Variants in LONP1 observed in about 807,000 individuals in gnomAD.
The protein encoded by LONP1 is lon protease homolog, mitochondrial.
Under a neutral mutation model 98.5 loss-of-function variants are expected in LONP1, and 31 were observed. The ratio of observed to expected loss-of-function variants is 0.31; its 90% CI spans 0.24 to 0.42. The LOEUF is 0.42. Among genes scored for constraint, LONP1 ranks in the 20% least tolerant of loss-of-function variants. The probability of loss-of-function intolerance (pLI) is 1.00; values close to 1 mark genes in which losing one functional copy is unlikely to be tolerated. For synonymous variants in LONP1, 781 were observed against 594.7 expected (o/e 1.31, Z -4.56); for missense variants, 1,336 against 1,350.6 (o/e 0.99, Z 0.17).
At position 5,694,546 on chromosome 19, in the gene LONP1, G is replaced by GT; in HGVS notation, c.2160dup (p.Arg721ThrfsTer38). On this transcript the variant is annotated frameshift_variant, in exon 15 of 18. Coordinates refer to ENST00000360614, the MANE Select transcript of LONP1 (RefSeq NM_004793.4). LOFTEE classifies it high-confidence loss of function. ...CTGACAATCTTGTAGGCCGATTTCC[G>GT]TAACACCTGGGCGGTCAGGGCAACA... is the stretch of plus-strand genomic sequence containing the variant. 1 of 1,612,210 alleles carries GT rather than the reference G, an allele frequency of 6.2e-7. No individual in the cohort carries two copies. The highest frequency in any genetic ancestry group is 8.5e-7 in the Non-Finnish European group (1 of 1,179,644).
chr19:5,707,234 A>C, intron 6 of LONP1, 91 bp from the exon 7 acceptor site: 3 of 1,023,462 alleles, frequency 2.9e-6, no homozygotes, highest in Non-Finnish European at 3.0e-6. Flanking sequence ...ACCCTGAGAG[A>C]TGCTGCCGGG....
chr19:5,706,968 C>G, intron 7 of LONP1, 92 bp downstream of exon 7: 1 of 1,096,182 alleles, frequency 9.1e-7, no homozygotes, highest in South Asian at 1.3e-5. Flanking sequence ...GCCGATGCCA[C>G]CGGTCCCTCC....
rs772426482 is a variant in LONP1 at position 5,696,164 on chromosome 19, A to T, written c.1903T>A (p.Phe635Ile). 6.2e-7 allele frequency: 1 copy of T among 1,612,738 alleles called. No homozygotes were observed. Among genetic ancestry groups the T allele is most frequent in the East Asian group, 2.2e-5 (1 of 44,874 alleles). Residue 635 changes from phenylalanine (F) to isoleucine (I), a missense_variant, in exon 13 of 18, where the codon TTC becomes ATC. This residue lies in a region of LONP1 where 555 missense variants were observed against 542.6 expected (regional missense o/e 1.02). Coordinates refer to ENST00000360614, the MANE Select transcript of LONP1 (RefSeq NM_004793.4). Reference sequence around the variant, plus strand: ...TCCGTGACGTTGGCCGTGCAGATGAACAGCACCTGGGGGCGGCGGCAAGGT... The same window carrying T: ...TCCGTGACGTTGGCCGTGCAGATGATCAGCACCTGGGGGCGGCGGCAAGGT... ...DVPVDLSKVL[F>I]ICTANVTDTI... is the part of the protein sequence containing the mutation.
intron 9 of LONP1, among the ~76,000 whole-genome samples, chr19:5,700,489 T>C (rs2055020505): frequency 6.6e-6 from 1 of 152,044 alleles, no homozygotes; most frequent in South Asian, 2.1e-4. Flanking sequence ...TGATCACAGC[T>C]CACCACAGCC....
chr19:5,720,079 C>A lies in LONP1; in HGVS notation c.54G>T (p.Val18=). The A allele has an allele frequency of 1.3e-6, 2 of 1,500,812 alleles. No homozygotes were observed. Among genetic ancestry groups the A allele is most frequent in the Admixed American group, 2.4e-5 (1 of 41,122 alleles). 93.0% of individuals were successfully genotyped at this position (1,500,812 alleles called of 1,614,324 possible). The change falls in exon 1 of 18, where the codon GTG becomes GTT. Residue 18 remains valine (V), a synonymous_variant. Transcript: ENST00000360614. ...CGGCGGCCAGCATCGGCCGCCGCAG[C>A]ACCCAGCACCGCGCCGCTCCCCACA... The part of the protein sequence containing the change: ...VRLWGAARCW[V]LRRPMLAAAG...
intron 11 of LONP1, 82 bp downstream of exon 11, chr19:5,696,588 G>GA: frequency 3.4e-6 from 5 of 1,451,198 alleles, no homozygotes; most frequent in Non-Finnish European, 4.7e-6. Flanking sequence ...TTGGCTCGGG[G>GA]ATCCTAGGAC....
Position 5,707,119 on chromosome 19 carries a change from G to A in LONP1, c.1087C>T (p.Leu363Phe), listed in dbSNP as rs1355227384. 10 of 1,613,100 alleles carry A rather than the reference G, an allele frequency of 6.2e-6. No homozygotes were observed. The highest frequency in any genetic ancestry group is 7.6e-6 in the Non-Finnish European group (9 of 1,179,968). ...TNIPKRLYKALSLLKKEFELS... is the reference protein window; with the variant it reads ...TNIPKRLYKAFSLLKKEFELS... ...TCAAATTCCTTCTTCAGCAGGGAGA[G>A]GGCCTTGTACAGCCGCTTAGGAATC... is the stretch of plus-strand genomic sequence containing the variant. The change falls in exon 7 of 18, where the codon CTC (leucine) becomes TTC (phenylalanine). Residue 363 changes from leucine to phenylalanine, a missense_variant. Transcript: ENST00000360614.
intron 11 of LONP1, 74 bp from the exon 12 acceptor site, chr19:5,696,445 T>C: frequency 6.4e-7 from 1 of 1,561,412 alleles, no homozygotes; most frequent in East Asian, 2.2e-5. Context: ...GACCCCAGGG[T>C]CAGGGCTGGG....
At chr19:5,720,356 G>A, upstream of LONP1, 1 of 678,406 alleles carries the variant, frequency 1.5e-6, no homozygotes. Flanking sequence ...TTCCGGTCAC[G>A]TGGAAGGCTG....
chr19:5,700,106 T>C (rs2055013543), intron 9 of LONP1, among the ~76,000 whole-genome samples: 1 of 151,930 alleles, frequency 6.6e-6, no homozygotes, highest in Non-Finnish European at 1.5e-5. Context: ...ACCAGGCTAA[T>C]TAAAAAAAAT....
At chr19:5,707,258 G>A in intron 6 of LONP1, 115 bp from the exon 7 acceptor site, 1 of 787,868 alleles carries the variant, frequency 1.3e-6, no homozygotes, top group South Asian at 1.5e-5. Flanking sequence ...ACCTGGCCAT[G>A]CTGTACCCAG....
Position 5,712,834 on chromosome 19 carries a change from G to A in LONP1, c.638+300C>T, listed in dbSNP as rs143690408. Among the ~76,000 whole-genome samples the A allele has an allele frequency of 1.4e-4, 22 of 152,178 alleles. No homozygotes were observed. In the East Asian group the frequency reaches 2.3e-3, roughly 16 times the overall value. On this transcript the variant is annotated intron_variant, in intron 3 of 17. Coordinates refer to ENST00000360614, the MANE Select transcript of LONP1 (RefSeq NM_004793.4). ...TTTTGCAGAGATGGGATCTCGCTAC[G>A]TTGCCCAGGCTGGACTCAAACTCCG...
chr19:5,718,058 T>C lies in LONP1; in HGVS notation c.429+1646A>G, dbSNP rs143751737. Among the ~76,000 whole-genome samples the C allele has an allele frequency of 8.6e-3, 1,316 of 152,162 alleles. 49 individuals carry two copies. The highest frequency in any genetic ancestry group is 0.063 in the Admixed American group (968 of 15,252). ...CAACAACTCTAATAAGACACTAATATGTCCAGGTCACAGATGAGAAGAGGG... is the reference window on the plus strand; with the variant it reads ...CAACAACTCTAATAAGACACTAATACGTCCAGGTCACAGATGAGAAGAGGG... On this transcript the variant is annotated intron_variant, in intron 1 of 17. Transcript: ENST00000360614.
chr19:5,706,667 GATCTGCCGAAA>G (rs1400835309), intron 7 of LONP1, among the ~76,000 whole-genome samples: 1 of 152,160 alleles, frequency 6.6e-6, no homozygotes, highest in African/African-American at 2.4e-5. Flanking sequence ...GGCAGGCTGT[GATCTGCCGAAA>G]ATCATGACAG....
At chr19:5,704,702 C>T (rs2055115538) in intron 8 of LONP1, among the ~76,000 whole-genome samples, 1 of 152,218 alleles carries the variant, frequency 6.6e-6, no homozygotes, top group Non-Finnish European at 1.5e-5. Context: ...GGCCCTCAAA[C>T]CTGGGGCGGC....
chr19:5,700,958 T>G, intron 8 of LONP1, 31 bp from the exon 9 acceptor site: 1 of 1,613,312 alleles, frequency 6.2e-7, no homozygotes, highest in Non-Finnish European at 8.5e-7. Flanking sequence ...AGATGCTGAG[T>G]GGAGCTCACG....
chr19:5,711,592 C>T (rs981393900), intron 4 of LONP1, among the ~76,000 whole-genome samples, 179 bp downstream of exon 4: 1 of 152,160 alleles, frequency 6.6e-6, no homozygotes, highest in African/African-American at 2.4e-5. Flanking sequence ...CAGAGTCTTC[C>T]GAAGACCTCT....
chr19:5,701,530 A>C (rs931143405), intron 8 of LONP1, among the ~76,000 whole-genome samples: 1 of 151,704 alleles, frequency 6.6e-6, no homozygotes, highest in Non-Finnish European at 1.5e-5. Context: ...ACGGGGTTTC[A>C]CTGTGTTGGC....
rs768949488 is a variant in LONP1, at chr19:5,694,516, C to T, written c.2191G>A (p.Glu731Lys). Reference sequence around the variant, plus strand: ...GGCGTCACCTCCACGGACTCGGCCTCGCCGCTGACAATCTTGTAGGCCGAT... The same window carrying T: ...GGCGTCACCTCCACGGACTCGGCCTTGCCGCTGACAATCTTGTAGGCCGAT... The part of the protein sequence containing the change: ...RKSAYKIVSG[E>K]AESVEVTPEN... Residue 731 changes from glutamate to lysine, a missense_variant, in exon 15 of 18, where the codon GAG becomes AAG. Glu to Lys is a moderately conservative substitution (Grantham distance 56). This residue lies in a region of LONP1 where 555 missense variants were observed against 542.6 expected (regional missense o/e 1.02). Coordinates refer to ENST00000360614, the MANE Select transcript of LONP1 (RefSeq NM_004793.4). 6.8e-6 allele frequency: 11 copies of T among 1,613,060 alleles called. No individual in the cohort carries two copies. The highest frequency in any genetic ancestry group is 1.3e-5 in the African/African-American group (1 of 74,912).
Sources: gnomAD v4.1 joint callset for allele counts (sites outside exome capture counted in the v4.1 genomes callset) on GRCh38, gnomAD v4.1.1 for gene constraint, gnomAD v4.1.1 regional missense constraint, MANE v1.5 for transcripts, NCBI Gene and HGNC (gene_info 2026-07-23, HGNC 2026-07-21) for gene names.